PREX1: variants seen among roughly 807,000 people sequenced by gnomAD.
PREX1 encodes the protein phosphatidylinositol-3,4,5-trisphosphate dependent Rac exchange factor 1.
PREX1 carries 41 observed loss-of-function variants against 198.3 expected under a neutral mutation model. The ratio of observed to expected loss-of-function variants is 0.21; its 90% CI spans 0.16 to 0.27. The LOEUF is 0.27. PREX1 is among the 10% of genes least tolerant of loss of function. The pLI, the probability that PREX1 is intolerant of heterozygous loss-of-function variation, is 1.00. For missense variants in PREX1, 1,620 were observed against 2,200.7 expected, an observed-to-expected ratio of 0.74 and a Z score of 5.28; for synonymous variants, 843 against 887.2, an observed-to-expected ratio of 0.95 and a Z score of 0.89.
intron 4 of PREX1, 48 bp downstream of exon 4, chr20:48,734,498 G>A (rs781110364): frequency 1.3e-6 from 2 of 1,517,142 alleles, no homozygotes; most frequent in African/African-American, 2.7e-5. Context: ...GATTCCACAA[G>A]GATGAGGCCG....
chr20:48,723,416 T>C (rs542926495), intron 5 of PREX1, among the ~76,000 whole-genome samples: 1 of 152,142 alleles, frequency 6.6e-6, no homozygotes, highest in Non-Finnish European at 1.5e-5. Context: ...GCCCCGGGTG[T>C]TTGCTGATGC....
At chr20:48,628,333 G>GACACATCGATTC (rs1395552059) in intron 37 of PREX1, among the ~76,000 whole-genome samples, 2 of 152,196 alleles carry the variant, frequency 1.3e-5, no homozygotes. Context: ...GTTTGAGATG[G>GACACATCGATTC]ACACATCGAT....
intron 1 of PREX1, among the ~76,000 whole-genome samples, chr20:48,802,174 T>C (rs1020324333): frequency 1.3e-5 from 2 of 151,900 alleles, no homozygotes; most frequent in Non-Finnish European, 1.5e-5. Flanking sequence ...TTCTTCACGG[T>C]AGCCAGGTAG....
chr20:48,654,815 T>C (rs942361316), intron 19 of PREX1, among the ~76,000 whole-genome samples: 4 of 152,200 alleles, frequency 2.6e-5, no homozygotes, highest in South Asian at 2.1e-4. Context: ...CTCCAAGACA[T>C]AGTGACGCCT....
rs2089771497 is a variant in PREX1, at chr20:48,684,241, C to T, written c.1335-2906G>A. Among the ~76,000 whole-genome samples the T allele has an allele frequency of 6.6e-6, 1 of 152,202 alleles. No homozygotes were observed. Among genetic ancestry groups the T allele is most frequent in the African/African-American group, 2.4e-5 (1 of 41,458 alleles). ...TCTGCAGTCTTCCTAAGAAAGCCGC[C>T]TGAGCTCAGGCCCAAGGTACCACTT... is the stretch of plus-strand genomic sequence containing the variant. On this transcript the variant is annotated intron_variant, in intron 10 of 39. Transcript: ENST00000371941. The surrounding 1 kb of genome is among the most constrained non-coding windows in gnomAD (Gnocchi z 4.2).
chr20:48,678,723 G>A (rs145864538), intron 13 of PREX1, among the ~76,000 whole-genome samples: 67 of 152,322 alleles, frequency 4.4e-4, no homozygotes, highest in African/African-American at 1.6e-3. Context: ...CCTTTTGCCT[G>A]CCAGGTAAGA....
chr20:48,838,993 C>CAAA, the PREX1 span, among the ~76,000 whole-genome samples: 81 of 23,042 alleles, frequency 3.5e-3, 11 homozygotes, highest in African/African-American at 0.011. Flanking sequence ...GACTCTGTCT[C>CAAA]AAAAAAAAAA....
intron 1 of PREX1, among the ~76,000 whole-genome samples, chr20:48,756,653 T>G (rs1021609718): frequency 6.6e-6 from 1 of 152,284 alleles, no homozygotes. Flanking sequence ...AACTGAGGCC[T>G]CCTGGGAATA....
chr20:48,678,001 AG>A (rs2089721326), intron 13 of PREX1, among the ~76,000 whole-genome samples: 1 of 151,946 alleles, frequency 6.6e-6, no homozygotes, highest in African/African-American at 2.4e-5. Flanking sequence ...AAGAAAAAAA[AG>A]AAAAAGAAAA....
At chr20:48,734,792 A>G in intron 3 of PREX1, 142 bp from the exon 4 acceptor site, 1 of 645,728 alleles carries the variant, frequency 1.5e-6, no homozygotes, top group Non-Finnish European at 2.7e-6. Context: ...TATCTCAGGT[A>G]AAGCGGCTCC....
chr20:48,691,602 AG>A lies in PREX1; in HGVS notation c.1037-507del, dbSNP rs2089819816. On this transcript the variant is annotated intron_variant, in intron 8 of 39. Coordinates refer to ENST00000371941, the MANE Select transcript of PREX1 (RefSeq NM_020820.4). The surrounding 1 kb of genome is among the most constrained non-coding windows in gnomAD (Gnocchi z 5.0). Reference sequence around the variant, plus strand: ...TCCACGGGCTTCATGAGACTGCCAAAGGGGACTGTGGCTCAAAACCAAGCAA... The same window carrying A: ...TCCACGGGCTTCATGAGACTGCCAAAGGGACTGTGGCTCAAAACCAAGCAA... Among the ~76,000 whole-genome samples the A allele has an allele frequency of 6.6e-6, 1 of 152,220 alleles. No individual in the cohort carries two copies. The highest frequency in any genetic ancestry group is 2.1e-4 in the South Asian group (1 of 4,832).
At chr20:48,849,701 G>T in the PREX1 span, among the ~76,000 whole-genome samples, 2 of 152,176 alleles carry the variant, frequency 1.3e-5, no homozygotes, top group African/African-American at 4.8e-5. Context: ...ATATGAATGT[G>T]CAAAATGTCT....
At chr20:48,812,756 G>GCAGT (rs2090442112) in intron 1 of PREX1, among the ~76,000 whole-genome samples, 1 of 152,150 alleles carries the variant, frequency 6.6e-6, no homozygotes, top group Admixed American at 6.5e-5. Context: ...CAGCAGGCAG[G>GCAGT]CAGTCAGGAT....
intron 5 of PREX1, among the ~76,000 whole-genome samples, chr20:48,714,712 A>G (rs1288544029): frequency 6.6e-6 from 1 of 152,228 alleles, no homozygotes; most frequent in African/African-American, 2.4e-5. Flanking sequence ...TTCCCTTGAG[A>G]CACCATGATC....
In PREX1 at chr20:48,657,023, C is replaced by T. The variant is rs777955249; in HGVS notation, c.2123+17G>A. The T allele has an allele frequency of 1.5e-5, 24 of 1,570,326 alleles. No individual in the cohort carries two copies. The highest frequency in any genetic ancestry group is 3.7e-5 in the Admixed American group (2 of 53,706). Reference sequence around the variant, plus strand: ...TGAGAGGGAGGGCTGCCGGACACCCCGCCCTGGGACACTCACTCTTTGGCC... The same window carrying T: ...TGAGAGGGAGGGCTGCCGGACACCCTGCCCTGGGACACTCACTCTTTGGCC... On this transcript the variant is annotated intron_variant, in intron 18 of 39. Coordinates refer to ENST00000371941, the MANE Select transcript of PREX1 (RefSeq NM_020820.4).
chr20:48,770,205 T>C (rs56288071), intron 1 of PREX1, among the ~76,000 whole-genome samples: 1 of 152,204 alleles, frequency 6.6e-6, no homozygotes, highest in Non-Finnish European at 1.5e-5. Flanking sequence ...GTCAAGCTTT[T>C]CAAAACACAT....
chr20:48,758,075 G>T lies in PREX1; in HGVS notation c.220-10195C>A, dbSNP rs188646734. Among the ~76,000 whole-genome samples, 27 of 152,210 alleles carry T rather than the reference G, an allele frequency of 1.8e-4. No individual in the cohort carries two copies. In the East Asian group the frequency reaches 5.2e-3, roughly 30 times the overall value. ...GAAGTGGAGTACAAGTAGTTTCTTT[G>T]GGAGGTGGGAGGTGGGAGATGGTCC... On this transcript the variant is annotated intron_variant, in intron 1 of 39. Coordinates refer to ENST00000371941, the MANE Select transcript of PREX1 (RefSeq NM_020820.4).
the PREX1 span, among the ~76,000 whole-genome samples, chr20:48,847,494 A>G: frequency 1.0e-3 from 154 of 152,260 alleles, 1 homozygote; most frequent in Admixed American, 9.8e-3. Flanking sequence ...TGCTCTGTAA[A>G]GGAATGTGTG....
At chr20:48,640,050 G>A (rs918059271) in intron 29 of PREX1, among the ~76,000 whole-genome samples, 156 bp from the exon 30 acceptor site, 1 of 152,068 alleles carries the variant, frequency 6.6e-6, no homozygotes, top group African/African-American at 2.4e-5. Flanking sequence ...GTCCACAGAG[G>A]GTAAGTGTGC....
Sources: allele counts gnomAD v4.1 joint callset (sites outside exome capture counted in the v4.1 genomes callset), GRCh38; gene constraint gnomAD v4.1.1; non-coding constraint Gnocchi (gnomAD v3.1); transcripts MANE v1.5; gene names NCBI Gene and HGNC (gene_info 2026-07-23, HGNC 2026-07-21).